METTL21A: variants seen among roughly 807,000 people sequenced by gnomAD.
METTL21A encodes methyltransferase 21A, HSPA lysine.
In METTL21A, 22 loss-of-function variants were observed where a neutral mutation model predicts 20.9. The ratio of observed to expected loss-of-function variants is 1.05; its 90% confidence interval spans 0.75 to 1.50. The LOEUF is 1.50. Among genes scored for constraint, METTL21A ranks in the 40% most tolerant of loss-of-function variants. The pLI is 0.00. For synonymous variants in METTL21A, 93 were observed against 102.0 expected, an observed-to-expected ratio of 0.91 and a Z score of 0.53; for missense variants, 271 against 266.8, an observed-to-expected ratio of 1.02 and a Z score of -0.11.
chr2:207,588,110 C>A (rs2084227467), intron 3 of METTL21A, among the ~76,000 whole-genome samples: 1 of 143,212 alleles, frequency 7.0e-6, no homozygotes, highest in Admixed American at 7.3e-5. Context: ...AAAAAGAATT[C>A]TTTGCCTAAA....
At chr2:207,583,041 A>G (rs1465046688) in intron 3 of METTL21A, among the ~76,000 whole-genome samples, 1 of 152,142 alleles carries the variant, frequency 6.6e-6, no homozygotes, top group Non-Finnish European at 1.5e-5. Flanking sequence ...AAGTAACAAT[A>G]TAACAATTTT....
chr2:207,625,496 C>G (rs1050577760), upstream of METTL21A: 2 of 152,236 alleles, frequency 1.3e-5, no homozygotes, highest in African/African-American at 4.8e-5. Flanking sequence ...GGAGGGGGGA[C>G]CGGGGCTTTC....
In METTL21A at chr2:207,621,937, G is replaced by T; in HGVS notation, c.148-20C>A. ...GATGGCCTGAATGAAAACACAGTGT[G>T]ATGACGATTAAGGTCAACATGTGCT... On this transcript the variant is annotated intron_variant, in intron 2 of 3. Transcript: ENST00000406927. The T allele has an allele frequency of 6.2e-7, 1 of 1,604,950 alleles. No homozygotes were observed. Among genetic ancestry groups the T allele is most frequent in the Non-Finnish European group, 8.5e-7 (1 of 1,171,752 alleles).
chr2:207,604,813 T>C (rs1332299009), downstream of METTL21A, among the ~76,000 whole-genome samples: 3 of 152,232 alleles, frequency 2.0e-5, no homozygotes, highest in African/African-American at 7.2e-5. Flanking sequence ...TCCGGGTATT[T>C]CATGTGAGAC....
intron 3 of METTL21A, chr2:207,620,719 C>T: frequency 6.5e-7 from 1 of 1,529,984 alleles, no homozygotes; most frequent in Non-Finnish European, 8.7e-7. Flanking sequence ...GGACGGAAAC[C>T]TCTGTCAATT....
rs375580128 is a variant in METTL21A, at chr2:207,621,936, T to C, written c.148-19A>G. 1.9e-6 allele frequency: 3 copies of C among 1,605,738 alleles called. No homozygotes were observed. The highest frequency in any genetic ancestry group is 2.7e-5 in the African/African-American group (2 of 74,716). Reference sequence around the variant, plus strand: ...CGATGGCCTGAATGAAAACACAGTGTGATGACGATTAAGGTCAACATGTGC... The same window carrying C: ...CGATGGCCTGAATGAAAACACAGTGCGATGACGATTAAGGTCAACATGTGC... On this transcript the variant is annotated intron_variant, in intron 2 of 3. Transcript: ENST00000406927.
chr2:207,621,728 A>C, intron 3 of METTL21A, 78 bp downstream of exon 3: 1 of 1,245,658 alleles, frequency 8.0e-7, no homozygotes, highest in East Asian at 2.3e-5. Context: ...AAACCCACGA[A>C]GGGTTTTGCG....
At chr2:207,623,399 G>A (rs912598427) in intron 2 of METTL21A, among the ~76,000 whole-genome samples, 1 of 152,196 alleles carries the variant, frequency 6.6e-6, no homozygotes, top group Non-Finnish European at 1.5e-5. Context: ...AGTCCTAGGT[G>A]TGGGGCTAGA....
chr2:207,596,634 T>C (rs2086225193), intron 3 of METTL21A, among the ~76,000 whole-genome samples: 1 of 152,222 alleles, frequency 6.6e-6, no homozygotes, highest in African/African-American at 2.4e-5. Flanking sequence ...GGTTTCATCA[T>C]GTTGGCCAGG....
intron 3 of METTL21A, chr2:207,603,446 T>A (rs763170293): frequency 8.9e-6 from 2 of 225,232 alleles, no homozygotes; most frequent in South Asian, 3.7e-4. Context: ...AGTCTCTTTT[T>A]TGGGGATGGG....
intron 3 of METTL21A, among the ~76,000 whole-genome samples, chr2:207,593,719 CTTTTTT>C (rs5838079): frequency 2.9e-5 from 3 of 102,676 alleles, no homozygotes; most frequent in Admixed American, 1.0e-4. Context: ...TCCTCACAAA[CTTTTTT>C]TTTTTTTTTT....
intron 3 of METTL21A, chr2:207,598,096 T>C (rs1162128669): frequency 1.7e-5 from 3 of 180,752 alleles, no homozygotes; most frequent in African/African-American, 7.1e-5. Flanking sequence ...AAATGTTACA[T>C]GTAGAAAAAT....
downstream of METTL21A, among the ~76,000 whole-genome samples, chr2:207,605,071 T>C (rs2087864617): frequency 6.6e-6 from 1 of 152,214 alleles, no homozygotes; most frequent in African/African-American, 2.4e-5. Flanking sequence ...TTTTCAATTA[T>C]TTGGGGTATA....
At chr2:207,583,085 A>G (rs2083227768) in intron 3 of METTL21A, among the ~76,000 whole-genome samples, 1 of 152,122 alleles carries the variant, frequency 6.6e-6, no homozygotes, top group East Asian at 1.9e-4. Context: ...AACCTAGTAT[A>G]ACAACTATTT....
intron 3 of METTL21A, 106 bp from the exon 4 acceptor site, chr2:207,613,549 T>C: frequency 9.9e-7 from 1 of 1,011,694 alleles, no homozygotes; most frequent in Non-Finnish European, 1.4e-6. Context: ...TTGCATCTGA[T>C]ATGCATAATA....
At chr2:207,597,472 C>T (rs1477158205) in intron 3 of METTL21A, 8 of 225,830 alleles carry the variant, frequency 3.5e-5, no homozygotes, top group African/African-American at 1.6e-4. Flanking sequence ...ATGTGTGGGC[C>T]GCATGCATAA....
chr2:207,599,380 A>G (rs2086673850), intron 3 of METTL21A: 1 of 207,230 alleles, frequency 4.8e-6, no homozygotes, highest in Non-Finnish European at 9.8e-6. Flanking sequence ...TATAAATGAA[A>G]AATTGCCTGA....
rs765778599 is a variant in METTL21A, at chr2:207,596,894, C to T, written c.260-14734G>A. 2.5e-6 allele frequency: 4 copies of T among 1,586,962 alleles called. No homozygotes were observed. The South Asian group carries it at 4.7e-5, about 19-fold the overall frequency. On this transcript the variant is annotated intron_variant, in intron 3 of 3. Coordinates refer to the METTL21A transcript ENST00000425132. Reference sequence around the variant, plus strand: ...GTGGAAATCATTTGCATAATTTTTCCCGTCCTCTTTTGCTTGTAGGGAAGC... The same window carrying T: ...GTGGAAATCATTTGCATAATTTTTCTCGTCCTCTTTTGCTTGTAGGGAAGC...
intron 2 of METTL21A, 133 bp downstream of exon 2, chr2:207,624,096 A>C: frequency 2.8e-6 from 3 of 1,089,024 alleles, no homozygotes; most frequent in Non-Finnish European, 3.9e-6. Context: ...ACCGCACTGA[A>C]TTGTGCACTT....
Sources: allele counts gnomAD v4.1 joint callset (sites outside exome capture counted in the v4.1 genomes callset), GRCh38; gene constraint gnomAD v4.1.1; transcripts MANE v1.5; gene names NCBI Gene and HGNC (gene_info 2026-07-23, HGNC 2026-07-21).